Variants in MTX2 observed in about 807,000 individuals in gnomAD.
MTX2 encodes metaxin 2.
Under a neutral mutation model 42.3 loss-of-function variants are expected in MTX2, and 35 were observed. That is an observed-to-expected ratio of 0.83 (90% confidence interval 0.63 to 1.10). The LOEUF (loss-of-function observed/expected upper bound fraction) is 1.10, where lower values mean the gene tolerates loss of function less well. Among genes scored for constraint, MTX2 ranks in the 50% least tolerant of loss-of-function variants. The pLI, the probability that MTX2 is intolerant of heterozygous loss-of-function variation, is 0.00. For synonymous variants in MTX2, 119 were observed against 100.9 expected, an observed-to-expected ratio of 1.18 and a Z score of -1.08; for missense variants, 307 against 304.1, an observed-to-expected ratio of 1.01 and a Z score of -0.07.
intron 3 of MTX2, among the ~76,000 whole-genome samples, chr2:176,321,478 G>A (rs1277378842): frequency 1.3e-5 from 2 of 152,088 alleles, no homozygotes; most frequent in Admixed American, 1.3e-4. Context: ...CCAATATAGT[G>A]GTAGCTTAAA....
chr2:176,337,878 G>T lies in MTX2; in HGVS notation c.*214G>T. On this transcript the variant is annotated 3_prime_UTR_variant, in exon 10 of 10. Transcript: ENST00000249442. ...TCTGATATGTTGTATTCTGTATCTT[G>T]AAATTTTTGTTTCCTTGAAACATGC... The T allele has an allele frequency of 5.7e-6, 2 of 348,520 alleles. No individual in the cohort carries two copies. Among genetic ancestry groups the T allele is most frequent in the Non-Finnish European group, 4.9e-6 (1 of 202,062 alleles). The allele number at this position is 348,520 out of a possible 1,614,324, so 21.6% of individuals were successfully genotyped here.
At chr2:176,298,458 T>C (rs1436827020) in intron 3 of MTX2, among the ~76,000 whole-genome samples, 3 of 152,116 alleles carry the variant, frequency 2.0e-5, no homozygotes, top group African/African-American at 7.2e-5. Context: ...ATATAACATT[T>C]GTATAATCCA....
chr2:176,282,142 T>G (rs961615310), intron 1 of MTX2, among the ~76,000 whole-genome samples: 3 of 143,394 alleles, frequency 2.1e-5, no homozygotes, highest in Non-Finnish European at 3.0e-5. Flanking sequence ...TTTTTTTTTT[T>G]TTTTTTTTTT....
chr2:176,313,549 C>A (rs1396126214), intron 3 of MTX2, among the ~76,000 whole-genome samples: 1 of 151,864 alleles, frequency 6.6e-6, no homozygotes, highest in Non-Finnish European at 1.5e-5. Flanking sequence ...TGCACCACCA[C>A]CACCCAGCTA....
At chr2:176,328,459 G>C (rs1684774205) in intron 6 of MTX2, 74 bp downstream of exon 6, 1 of 980,532 alleles carries the variant, frequency 1.0e-6, no homozygotes, top group Non-Finnish European at 1.4e-6. Context: ...TTTCTTATGG[G>C]TTAAAGTTAT....
rs1288472704 is a variant in MTX2 at position 176,290,383 on chromosome 2, C to A, written c.41-6477C>A. 5.3e-5 allele frequency among the ~76,000 whole-genome samples: 8 copies of A among 152,124 alleles called. No homozygotes were observed. In the East Asian group the frequency reaches 1.5e-3, roughly 29 times the overall value. ...GATTTTATCAGAAGAGAGCAAGACT[C>A]TTCCTTGCTCTAGAGTACATGAATG... On this transcript the variant is annotated intron_variant, in intron 1 of 9. Coordinates refer to ENST00000249442, the MANE Select transcript of MTX2 (RefSeq NM_006554.5).
intron 5 of MTX2, among the ~76,000 whole-genome samples, chr2:176,327,304 GA>G (rs1274554866): frequency 1.3e-5 from 2 of 151,060 alleles, no homozygotes; most frequent in Non-Finnish European, 3.0e-5. Context: ...CCATTTGAAT[GA>G]TTCTGCTTTT....
At chr2:176,325,179 C>T (rs1238740354) in intron 4 of MTX2, among the ~76,000 whole-genome samples, 1 of 151,678 alleles carries the variant, frequency 6.6e-6, no homozygotes, top group African/African-American at 2.4e-5. Context: ...TTGAATCTGC[C>T]AACTTGTTTG....
chr2:176,332,574 G>A (rs576211772), intron 9 of MTX2, among the ~76,000 whole-genome samples: 59 of 151,344 alleles, frequency 3.9e-4, no homozygotes, highest in African/African-American at 1.4e-3. Flanking sequence ...GGGAGGACTC[G>A]TGAAAGAAAC....
intron 3 of MTX2, among the ~76,000 whole-genome samples, chr2:176,298,300 A>G (rs1201615043): frequency 6.6e-6 from 1 of 151,942 alleles, no homozygotes; most frequent in African/African-American, 2.4e-5. Context: ...TGTTTTGCTC[A>G]TTGCACTCAT....
In MTX2 at chr2:176,330,599, G is replaced by T; in HGVS notation, c.559G>T (p.Asp187Tyr). ...KTLDQVLEDV[D>Y]QCCQALSQRL... ...CCTGTGTTAGGTCTTAGAGGATGTA[G>T]ACCAGTGCTGTCAAGCTCTCTCTCA... Residue 187 changes from aspartate to tyrosine, a missense_variant, in exon 9 of 10, where the codon GAC (aspartate) becomes TAC (tyrosine). By Grantham distance (160) the Asp-to-Tyr change is radical. Transcript: ENST00000249442. 6.3e-7 allele frequency: 1 copy of T among 1,589,632 alleles called. No homozygotes were observed. Among genetic ancestry groups the T allele is most frequent in the South Asian group, 1.1e-5 (1 of 87,304 alleles).
At chr2:176,299,923 C>T (rs1315443515) in intron 3 of MTX2, among the ~76,000 whole-genome samples, 1 of 151,964 alleles carries the variant, frequency 6.6e-6, no homozygotes, top group East Asian at 1.9e-4. Flanking sequence ...TTATTATACC[C>T]CCAAAACTAA....
chr2:176,304,649 A>G (rs6715975), intron 3 of MTX2, among the ~76,000 whole-genome samples: 46,861 of 151,882 alleles, frequency 0.31, 8,391 homozygotes, highest in African/African-American at 0.49. Context: ...TAATTCTTCA[A>G]TTGTCACAAA....
At chr2:176,276,907 GTTCTT>G (rs1692961601) in intron 1 of MTX2, among the ~76,000 whole-genome samples, 1 of 151,874 alleles carries the variant, frequency 6.6e-6, no homozygotes, top group South Asian at 2.1e-4. Flanking sequence ...TATCTGTTCT[GTTCTT>G]TATTTAGAAG....
chr2:176,277,483 A>G (rs1307483407), intron 1 of MTX2, among the ~76,000 whole-genome samples: 2 of 152,044 alleles, frequency 1.3e-5, no homozygotes, highest in Non-Finnish European at 2.9e-5. Flanking sequence ...GCTCACTGCA[A>G]CCTCCGCCTC....
chr2:176,337,185 C>T (rs1010917030), intron 9 of MTX2, among the ~76,000 whole-genome samples: 10 of 151,924 alleles, frequency 6.6e-5, no homozygotes, highest in Admixed American at 2.0e-4. Context: ...AGGACTATAG[C>T]CAAGCACCAC....
intron 3 of MTX2, among the ~76,000 whole-genome samples, chr2:176,298,308 C>T (rs1460080520): frequency 6.6e-6 from 1 of 152,020 alleles, no homozygotes; most frequent in Admixed American, 6.6e-5. Flanking sequence ...TCATTGCACT[C>T]ATTGGCCTCT....
intron 3 of MTX2, among the ~76,000 whole-genome samples, chr2:176,315,924 C>G (rs1684423956): frequency 6.6e-6 from 1 of 152,144 alleles, no homozygotes; most frequent in African/African-American, 2.4e-5. Flanking sequence ...ATAGCCATAC[C>G]TTTACACTGC....
rs144603519 is a variant in MTX2, at chr2:176,330,067, A to G, written c.544-517A>G. ...ATCTCACTGATGTGTGCCATTGGCT[A>G]CAAGGGGGTTTCAGTAAATGAATAG... On this transcript the variant is annotated intron_variant, in intron 8 of 9. Transcript: ENST00000249442. Among the ~76,000 whole-genome samples the G allele has an allele frequency of 2.6e-3, 392 of 151,212 alleles. 3 individuals are homozygous for G. Among genetic ancestry groups the G allele is most frequent in the African/African-American group, 8.7e-3 (360 of 41,460 alleles).
Sources: gnomAD v4.1 joint callset for allele counts (sites outside exome capture counted in the v4.1 genomes callset) on GRCh38, gnomAD v4.1.1 for gene constraint, MANE v1.5 for transcripts, NCBI Gene and HGNC (gene_info 2026-07-23, HGNC 2026-07-21) for gene names.